UTP4: variants seen among roughly 807,000 people sequenced by gnomAD.
UTP4 encodes the protein UTP4 small subunit processome component.
In UTP4, 45 loss-of-function variants were observed where a neutral mutation model predicts 82.4. The ratio of observed to expected loss-of-function variants is 0.55; its 90% CI spans 0.43 to 0.70. The LOEUF (loss-of-function observed/expected upper bound fraction) is 0.70. Among genes scored for constraint, UTP4 ranks in the 30% least tolerant of loss-of-function variants. The probability of loss-of-function intolerance (pLI) is 0.00; values close to 1 mark genes in which losing one functional copy is unlikely to be tolerated. For synonymous variants in UTP4, 348 were observed against 300.3 expected (o/e 1.16, Z -1.64); for missense variants, 819 against 858.3 (o/e 0.95, Z 0.57).
At chr16:69,168,769 G>A (rs931969366) in intron 16 of UTP4, 52 bp from the exon 17 acceptor site, 2 of 1,152,778 alleles carry the variant, frequency 1.7e-6, no homozygotes, top group Non-Finnish European at 2.6e-6. Flanking sequence ...AGTTCTTTCA[G>A]GACTAGCCCT....
intron 6 of UTP4, among the ~76,000 whole-genome samples, chr16:69,143,893 T>C (rs1310764880): frequency 1.3e-5 from 2 of 151,796 alleles, no homozygotes; most frequent in African/African-American, 4.8e-5. Context: ...AGTTCTTTTT[T>C]TTTCTTTTTT....
At chr16:69,167,011 G>T (rs1347676726) in intron 15 of UTP4, 64 bp from the exon 16 acceptor site, 2 of 1,091,442 alleles carry the variant, frequency 1.8e-6, no homozygotes, top group African/African-American at 3.1e-5. Flanking sequence ...ATGCACTACA[G>T]ATCTTTGGTC....
intron 14 of UTP4, among the ~76,000 whole-genome samples, chr16:69,163,880 G>GTTTTTTTT (rs201368311): frequency 7.5e-6 from 1 of 132,598 alleles, no homozygotes; most frequent in Non-Finnish European, 1.6e-5. Context: ...TTGATGGTCA[G>GTTTTTTTT]TTTGTTTTTT....
chr16:69,156,793 G>A (rs1255431470), intron 11 of UTP4, among the ~76,000 whole-genome samples: 1 of 152,192 alleles, frequency 6.6e-6, no homozygotes, highest in Non-Finnish European at 1.5e-5. Context: ...AAATTTTGAG[G>A]TATGTTCTTA....
At chr16:69,157,964 A>C (rs1343853073) in intron 12 of UTP4, among the ~76,000 whole-genome samples, 1 of 150,396 alleles carries the variant, frequency 6.6e-6, no homozygotes, top group Non-Finnish European at 1.5e-5. Context: ...TTCTGTTTTC[A>C]TTGAGAATGT....
Position 69,136,707 on chromosome 16 carries a change from T to G in UTP4, c.171T>G (p.Gly57=). Residue 57 remains glycine (G), a synonymous_variant, in exon 3 of 17, where the codon GGT becomes GGG. Coordinates refer to ENST00000314423, the MANE Select transcript of UTP4 (RefSeq NM_032830.3). ...ANYFQEKFFP[G]HESRATEALC... is the part of the protein sequence containing the mutation. Reference sequence around the variant, plus strand: ...TGGTGTTTCTGCAGTTTTTCCCAGGTCATGAGTCTCGGGCTACAGAAGCTT... The same window carrying G: ...TGGTGTTTCTGCAGTTTTTCCCAGGGCATGAGTCTCGGGCTACAGAAGCTT... The G allele has an allele frequency of 6.2e-7, 1 of 1,613,990 alleles. No individual in the cohort carries two copies. The highest frequency in any genetic ancestry group is 8.5e-7 in the Non-Finnish European group (1 of 1,179,876).
intron 8 of UTP4, among the ~76,000 whole-genome samples, chr16:69,151,879 C>T (rs1963278435): frequency 6.6e-6 from 1 of 151,248 alleles, no homozygotes; most frequent in Non-Finnish European, 1.5e-5. Context: ...ACCCAGGCTT[C>T]CAGTGTTCTA....
chr16:69,157,936 T>C (rs1963463739), intron 12 of UTP4, among the ~76,000 whole-genome samples: 1 of 139,828 alleles, frequency 7.2e-6, no homozygotes, highest in Non-Finnish European at 1.6e-5. Context: ...TGTGTTCATA[T>C]AATGTTCCTG....
At chr16:69,137,728 G>C (rs1039544664) in intron 3 of UTP4, 73 bp from the exon 4 acceptor site, 4 of 655,630 alleles carry the variant, frequency 6.1e-6, no homozygotes, top group Non-Finnish European at 1.1e-5. Flanking sequence ...GTGTTGGGGG[G>C]TGTGTGTGTG....
At chr16:69,136,198 G>A (rs965676647) in intron 2 of UTP4, among the ~76,000 whole-genome samples, 3 of 152,040 alleles carry the variant, frequency 2.0e-5, no homozygotes, top group Admixed American at 6.5e-5. Flanking sequence ...TTCCTTTTTC[G>A]TCAAGCAGGT....
At chr16:69,138,235 C>CTTTTTTTTTT (rs535515310) in intron 4 of UTP4, among the ~76,000 whole-genome samples, 3 of 139,328 alleles carry the variant, frequency 2.2e-5, no homozygotes, top group Non-Finnish European at 3.1e-5. Context: ...TCTTTTCTTT[C>CTTTTTTTTTT]TTTTTTTTTT....
intron 9 of UTP4, 37 bp downstream of exon 9, chr16:69,153,717 G>A: frequency 7.4e-7 from 1 of 1,354,834 alleles, no homozygotes. Flanking sequence ...TAAGAAAACT[G>A]GAGAGAGAAG....
chr16:69,153,167 T>C (rs1191947526), intron 8 of UTP4, among the ~76,000 whole-genome samples: 1 of 152,222 alleles, frequency 6.6e-6, no homozygotes, highest in African/African-American at 2.4e-5. Context: ...TCACATGCCA[T>C]CACCCTCCTC....
At chr16:69,166,408 C>A in intron 15 of UTP4, 1 of 152,886 alleles carries the variant, frequency 6.5e-6, no homozygotes, top group East Asian at 1.9e-4. Flanking sequence ...ATGAGTGATA[C>A]AGGAAGGGCC....
intron 6 of UTP4, among the ~76,000 whole-genome samples, chr16:69,146,718 C>T (rs567186598): frequency 2.6e-4 from 40 of 151,856 alleles, no homozygotes; most frequent in Non-Finnish European, 4.1e-4. Flanking sequence ...AAAATTAAGC[C>T]GGGCGCGGTG....
intron 6 of UTP4, among the ~76,000 whole-genome samples, chr16:69,148,848 C>T (rs1963188306): frequency 6.6e-6 from 1 of 152,124 alleles, no homozygotes; most frequent in South Asian, 2.1e-4. Context: ...TGAAGTGATT[C>T]TCCTGCCTTC....
chr16:69,151,424 C>T (rs1963265562), intron 8 of UTP4, among the ~76,000 whole-genome samples: 1 of 151,466 alleles, frequency 6.6e-6, no homozygotes, highest in African/African-American at 2.4e-5. Flanking sequence ...CAGGTTCATG[C>T]CATTCTCCTG....
intron 11 of UTP4, among the ~76,000 whole-genome samples, chr16:69,156,308 C>T (rs957675095): frequency 6.6e-6 from 1 of 151,866 alleles, no homozygotes; most frequent in African/African-American, 2.4e-5. Flanking sequence ...GCACCCACCA[C>T]CACACCTGGC....
At chr16:69,133,762 C>G (rs1359559424) in intron 2 of UTP4, 144 bp downstream of exon 2, 9 of 781,828 alleles carry the variant, frequency 1.2e-5, no homozygotes, top group South Asian at 1.0e-4. Context: ...CTTCTGAGAT[C>G]TCCTAACTGA....
Sources: allele counts gnomAD v4.1 joint callset (sites outside exome capture counted in the v4.1 genomes callset), GRCh38; gene constraint gnomAD v4.1.1; transcripts MANE v1.5; gene names NCBI Gene and HGNC (gene_info 2026-07-23, HGNC 2026-07-21).